Variants in CCDC178 observed in about 807,000 individuals in gnomAD.
The protein encoded by CCDC178 is coiled-coil domain-containing protein 178.
Under a neutral mutation model 117.4 loss-of-function variants are expected in CCDC178, and 126 were observed. The observed-to-expected ratio is 1.07, with a 90% confidence interval of 0.93 to 1.24. CCDC178 has a LOEUF of 1.24. Among genes scored for constraint, CCDC178 ranks in the 50% most tolerant of loss-of-function variants. The probability of loss-of-function intolerance (pLI) is 0.00; values close to 1 mark genes in which losing one functional copy is unlikely to be tolerated. For synonymous variants in CCDC178, 283 were observed against 313.4 expected, an observed-to-expected ratio of 0.90 and a Z score of 1.02; for missense variants, 1,030 against 986.9, an observed-to-expected ratio of 1.04 and a Z score of -0.59.
chr18:33,367,964 A>T (rs112709555), intron 6 of CCDC178, among the ~76,000 whole-genome samples: 4 of 151,930 alleles, frequency 2.6e-5, no homozygotes, highest in Non-Finnish European at 5.9e-5. Context: ...TTTGTCTAGA[A>T]GTGTACTTTT....
chr18:33,070,109 C>T (rs535386687), intron 21 of CCDC178, among the ~76,000 whole-genome samples: 8 of 152,026 alleles, frequency 5.3e-5, no homozygotes, highest in Non-Finnish European at 8.8e-5. Flanking sequence ...TATGGAGAAC[C>T]GTATGGAAGT....
intron 21 of CCDC178, among the ~76,000 whole-genome samples, chr18:32,988,293 G>A (rs1221374969): frequency 2.0e-5 from 3 of 150,968 alleles, no homozygotes; most frequent in Admixed American, 1.3e-4. Flanking sequence ...AAAATTATTC[G>A]GGCGTGGTCG....
At chr18:33,327,405 G>A (rs973291795) in intron 10 of CCDC178, among the ~76,000 whole-genome samples, 4 of 152,038 alleles carry the variant, frequency 2.6e-5, no homozygotes, top group African/African-American at 4.8e-5. Context: ...GAATATTTAT[G>A]TACAAGTTTT....
At chr18:33,109,962 C>A (rs2057759376) in intron 20 of CCDC178, among the ~76,000 whole-genome samples, 1 of 151,332 alleles carries the variant, frequency 6.6e-6, no homozygotes, top group Non-Finnish European at 1.5e-5. Context: ...TGCTCTAATT[C>A]CTGACATATG....
intron 20 of CCDC178, among the ~76,000 whole-genome samples, chr18:33,153,271 G>C (rs950407272): frequency 2.6e-5 from 4 of 151,326 alleles, no homozygotes; most frequent in Non-Finnish European, 5.9e-5. Context: ...GCTGCCTTTA[G>C]GGAGGGCCAA....
chr18:33,346,165 G>T, intron 9 of CCDC178, 46 bp downstream of exon 9: 2 of 1,388,722 alleles, frequency 1.4e-6, no homozygotes, highest in Non-Finnish European at 2.0e-6. Flanking sequence ...TTAATTATCT[G>T]TGCCCCCAAC....
chr18:33,281,625 T>C (rs886753769), intron 12 of CCDC178, among the ~76,000 whole-genome samples: 4 of 152,148 alleles, frequency 2.6e-5, no homozygotes, highest in Non-Finnish European at 4.4e-5. Flanking sequence ...GAAATTCAAT[T>C]CATAAAGATG....
chr18:33,303,678 T>TA (rs1555680881), intron 11 of CCDC178, among the ~76,000 whole-genome samples: 179 of 148,610 alleles, frequency 1.2e-3, no homozygotes, highest in African/African-American at 3.9e-3. Flanking sequence ...GTCTAGTTTT[T>TA]AAAAAAAAAA....
In CCDC178 at chr18:33,287,918, T is replaced by C. The variant is rs192661604; in HGVS notation, c.1176+5241A>G. ...GGTTTACTCAATAATTGTTCCCTTT[T>C]TGAAAATTTTATTCATGCTGACATT... is the stretch of plus-strand genomic sequence containing the variant. On this transcript the variant is annotated intron_variant, in intron 12 of 22. Transcript: ENST00000383096. Among the ~76,000 whole-genome samples, 84 of 152,312 alleles carry C rather than the reference T, an allele frequency of 5.5e-4. 1 individual carries two copies. The highest frequency in any genetic ancestry group is 1.0e-3 in the Non-Finnish European group (69 of 68,022).
chr18:33,323,180 ATAGT>A (rs1345435942), intron 11 of CCDC178: 1 of 165,878 alleles, frequency 6.0e-6, no homozygotes, highest in East Asian at 1.6e-4. Context: ...TTTTTTTAAA[ATAGT>A]TACTTTTGCA....
chr18:33,240,757 C>G (rs1039551506), intron 15 of CCDC178, among the ~76,000 whole-genome samples: 1 of 151,808 alleles, frequency 6.6e-6, no homozygotes, highest in African/African-American at 2.4e-5. Flanking sequence ...GTCTTCACTG[C>G]TGAATTCTAC....
intron 20 of CCDC178, among the ~76,000 whole-genome samples, chr18:33,201,275 A>C (rs972964511): frequency 6.6e-6 from 1 of 152,216 alleles, no homozygotes; most frequent in Non-Finnish European, 1.5e-5. Flanking sequence ...CAAACAAATA[A>C]ATTAAAACAT....
intron 21 of CCDC178, among the ~76,000 whole-genome samples, chr18:33,034,433 A>G (rs560330855): frequency 8.5e-4 from 129 of 152,170 alleles, no homozygotes; most frequent in African/African-American, 3.0e-3. Context: ...TCATGGCAGC[A>G]CATAAAACTT....
chr18:33,323,957 A>T (rs2062552013), intron 10 of CCDC178, among the ~76,000 whole-genome samples: 1 of 151,870 alleles, frequency 6.6e-6, no homozygotes, highest in South Asian at 2.1e-4. Flanking sequence ...GAAATATCGC[A>T]AACAAAGTGA....
At chr18:33,210,377 A>G (rs1471867185) in intron 20 of CCDC178, among the ~76,000 whole-genome samples, 1 of 152,004 alleles carries the variant, frequency 6.6e-6, no homozygotes, top group African/African-American at 2.4e-5. Flanking sequence ...AAAGGCAGGG[A>G]CAGGCTTTTT....
intron 21 of CCDC178, among the ~76,000 whole-genome samples, chr18:33,060,354 T>C (rs558629146): frequency 1.9e-4 from 29 of 152,218 alleles, no homozygotes; most frequent in African/African-American, 7.0e-4. Context: ...CTTTATAATA[T>C]TATTTGAGGA....
chr18:33,337,884 G>A (rs1033894954), intron 9 of CCDC178, among the ~76,000 whole-genome samples: 3 of 151,984 alleles, frequency 2.0e-5, no homozygotes, highest in South Asian at 2.1e-4. Context: ...AAAAGCAAAC[G>A]CAACAAAAAC....
chr18:33,346,541 A>G (rs2062896639), intron 8 of CCDC178, 130 bp from the exon 9 acceptor site: 1 of 422,802 alleles, frequency 2.4e-6, no homozygotes. Context: ...AAAATGAATT[A>G]CCTTTTAAAA....
rs143411483 is a variant in CCDC178, at chr18:33,224,663, G to A, written c.1818+112C>T. The stretch of plus-strand genomic sequence containing the variant: ...TGCGTGGTCCTGAAATAGTTACTTA[G>A]TTTGCCCCTATGTGAAATCATAATT... On this transcript the variant is annotated intron_variant, in intron 17 of 22. Transcript: ENST00000383096. The A allele has an allele frequency of 1.3e-5, 8 of 614,080 alleles. No homozygotes were observed. In the African/African-American group the frequency reaches 1.3e-4, roughly 10 times the overall value. The allele number at this position is 614,080 out of a possible 1,614,324, so 38.0% of individuals were successfully genotyped here.
Sources: allele counts gnomAD v4.1 joint callset (sites outside exome capture counted in the v4.1 genomes callset), GRCh38; gene constraint gnomAD v4.1.1; transcripts MANE v1.5; gene names NCBI Gene and HGNC (gene_info 2026-07-23, HGNC 2026-07-21).